SMARCAD1: variants seen among roughly 807,000 people sequenced by gnomAD.
SMARCAD1 encodes SWI/SNF-related matrix-associated actin-dependent regulator of chromatin subfamily A containing DEAD/H box 1.
Under a neutral mutation model 127.1 loss-of-function variants are expected in SMARCAD1, and 25 were observed. The observed-to-expected ratio is 0.20, with a 90% confidence interval of 0.14 to 0.27. The LOEUF (loss-of-function observed/expected upper bound fraction) is 0.27, where lower values mean the gene tolerates loss of function less well. Ranked by LOEUF, SMARCAD1 falls within the 10% of genes least tolerant of loss-of-function variation. The pLI, the probability that SMARCAD1 is intolerant of heterozygous loss-of-function variation, is 1.00. For synonymous variants in SMARCAD1, 400 were observed against 396.9 expected (o/e 1.01, Z -0.09); for missense variants, 807 against 1,206.0 (o/e 0.67, Z 4.90).
At chr4:94,235,706 A>C (rs115781852) in intron 4 of SMARCAD1, among the ~76,000 whole-genome samples, 5,589 of 149,678 alleles carry the variant, frequency 0.037, 137 homozygotes, top group Non-Finnish European at 0.05. Context: ...TTAAAGCAGT[A>C]ATAAGGAAAG....
chr4:94,260,689 A>G (rs570614761), intron 9 of SMARCAD1, among the ~76,000 whole-genome samples: 23 of 152,302 alleles, frequency 1.5e-4, no homozygotes, highest in African/African-American at 5.1e-4. Flanking sequence ...AGTATCTATA[A>G]AAGAACTTCT....
At chr4:94,257,104 T>G (rs560931669) in intron 9 of SMARCAD1, among the ~76,000 whole-genome samples, 1 of 152,222 alleles carries the variant, frequency 6.6e-6, no homozygotes, top group East Asian at 1.9e-4. Context: ...AGTAGTCACT[T>G]GAGTTTTTAA....
rs114100389 is a variant in SMARCAD1, at chr4:94,271,425, A to G, written c.1572+607A>G. Among the ~76,000 whole-genome samples, 697 of 152,280 alleles carry G rather than the reference A, an allele frequency of 4.6e-3. 4 individuals are homozygous for G. The highest frequency in any genetic ancestry group is 0.016 in the African/African-American group (645 of 41,544). On this transcript the variant is annotated intron_variant, in intron 11 of 23. Coordinates refer to ENST00000354268, the MANE Select transcript of SMARCAD1 (RefSeq NM_020159.5). ...CATATGGAAACTTGACCTTTAATCT[A>G]ACATCTCTATTCCTCCAGCTATACT... is the stretch of plus-strand genomic sequence containing the variant.
rs775630589 is a variant in SMARCAD1 at position 94,232,429 on chromosome 4, A to G, written c.369-1525A>G. ...ATGCTTTCATTTTCTCAGTCACCTAAGAGGCAAGGTCAAGTAGGGAGCAGG... is the reference window on the plus strand; with the variant it reads ...ATGCTTTCATTTTCTCAGTCACCTAGGAGGCAAGGTCAAGTAGGGAGCAGG... On this transcript the variant is annotated intron_variant, in intron 3 of 23. Coordinates refer to ENST00000354268, the MANE Select transcript of SMARCAD1 (RefSeq NM_020159.5). 2.7e-4 allele frequency among the ~76,000 whole-genome samples: 41 copies of G among 152,218 alleles called. 1 individual carries two copies. The highest frequency in any genetic ancestry group is 5.3e-4 in the Non-Finnish European group (36 of 68,036).
At position 94,280,627 on chromosome 4, in the gene SMARCAD1, C is replaced by A. The variant is rs1288483814; in HGVS notation, c.2454C>A (p.Ile818=). The change falls in exon 20 of 24, where the codon ATC becomes ATA. Residue 818 remains isoleucine (I), a synonymous_variant. Transcript: ENST00000354268. ...PTHCEANPDL[I]FEDMEVMTDF... ...ATTGTGAGGCTAACCCTGACCTGAT[C>A]TTTGAAGATATGGAAGTTATGACAG... The A allele has an allele frequency of 6.2e-7, 1 of 1,613,656 alleles. No homozygotes were observed. The highest frequency in any genetic ancestry group is 8.5e-7 in the Non-Finnish European group (1 of 1,179,854).
intron 8 of SMARCAD1, among the ~76,000 whole-genome samples, chr4:94,251,426 G>A (rs1749254702): frequency 6.6e-6 from 1 of 152,074 alleles, no homozygotes; most frequent in Admixed American, 6.5e-5. Flanking sequence ...GTTTTGGTTT[G>A]GGTTTTTTTG....
At position 94,290,374 on chromosome 4, in the gene SMARCAD1, T is replaced by G. The variant is rs1401729319; in HGVS notation, c.*840T>G. On this transcript the variant is annotated 3_prime_UTR_variant, in exon 24 of 24. Transcript: ENST00000354268. ...ATTCTCTTCCTCTCTAAATAGTAGT[T>G]TATTACTGCCACATCTCCATGCATC... 4 of 454,412 alleles carry G rather than the reference T, an allele frequency of 8.8e-6. No homozygotes were observed. Among genetic ancestry groups the G allele is most frequent in the Admixed American group, 2.4e-5 (1 of 42,546 alleles). 28.1% of individuals were successfully genotyped at this position (454,412 alleles called of 1,614,324 possible). A position where few individuals can be genotyped will look rare whatever the true frequency, so the allele number is the denominator to read the frequency against.
chr4:94,257,871 TCTCA>T (rs1750354572), intron 9 of SMARCAD1, among the ~76,000 whole-genome samples: 2 of 152,262 alleles, frequency 1.3e-5, no homozygotes, highest in South Asian at 4.1e-4. Flanking sequence ...AGGATTTAGT[TCTCA>T]CTGTCTACCT....
At chr4:94,268,378 A>G (rs936892394) in intron 10 of SMARCAD1, among the ~76,000 whole-genome samples, 7 of 152,112 alleles carry the variant, frequency 4.6e-5, no homozygotes, top group Admixed American at 3.9e-4. Context: ...TTTATTAAGA[A>G]TATTTCGTGG....
rs748223883 is a variant in SMARCAD1 at position 94,280,669 on chromosome 4, A to G, written c.2496A>G (p.Val832=). 13 of 1,613,704 alleles carry G rather than the reference A, an allele frequency of 8.1e-6. No individual in the cohort carries two copies. The African/African-American group carries it at 1.6e-4, about 20-fold the overall frequency. Residue 832 remains valine (V), a synonymous_variant, in exon 20 of 24, where the codon GTA becomes GTG. Transcript: ENST00000354268. ...MEVMTDFELH[V]LCKQYRHINN... is the part of the protein sequence containing the mutation. Reference sequence around the variant, plus strand: ...TTATGACAGACTTCGAACTACATGTACTTTGTAAACAGTACCGACACATTA... The same window carrying G: ...TTATGACAGACTTCGAACTACATGTGCTTTGTAAACAGTACCGACACATTA...
At position 94,252,987 on chromosome 4, in the gene SMARCAD1, T is replaced by C. The variant is rs1179157918; in HGVS notation, c.1261T>C (p.Phe421Leu). ...TCAGAAGATAACAGAACTCCGGCCC[T>C]TTAATAGTTGGGAGGCTCTGGTAAG... ...KAQKITELRP[F>L]NSWEALFTKM... Residue 421 changes from phenylalanine (F) to leucine (L), a missense_variant, in exon 9 of 24, where the codon TTT (phenylalanine) becomes CTT (leucine). By Grantham distance (22) the Phe-to-Leu change is conservative. Transcript: ENST00000354268. 6.2e-7 allele frequency: 1 copy of C among 1,613,134 alleles called. No individual in the cohort carries two copies. The highest frequency in any genetic ancestry group is 8.5e-7 in the Non-Finnish European group (1 of 1,180,020).
chr4:94,283,384 T>A, intron 22 of SMARCAD1, 81 bp downstream of exon 22: 1 of 1,428,698 alleles, frequency 7.0e-7, no homozygotes, highest in Non-Finnish European at 9.7e-7. Context: ...GTGTTGGATG[T>A]CCTGCCTTAG....
chr4:94,246,398 C>T (rs938571889), intron 6 of SMARCAD1, among the ~76,000 whole-genome samples: 3 of 152,124 alleles, frequency 2.0e-5, no homozygotes. Context: ...GGATTACAAG[C>T]GTGAGCCAGC....
chr4:94,231,177 T>G (rs745719477), intron 3 of SMARCAD1, among the ~76,000 whole-genome samples: 4 of 152,188 alleles, frequency 2.6e-5, no homozygotes, highest in Non-Finnish European at 5.9e-5. Flanking sequence ...TTGTTTGTTT[T>G]TTTTCTTGCT....
At chr4:94,263,723 T>C (rs1454260583) in intron 9 of SMARCAD1, among the ~76,000 whole-genome samples, 1 of 151,908 alleles carries the variant, frequency 6.6e-6, no homozygotes, top group African/African-American at 2.4e-5. Flanking sequence ...CTTGGAAAAA[T>C]ATGCTAAATA....
At chr4:94,245,791 A>G (rs1748320061) in intron 6 of SMARCAD1, among the ~76,000 whole-genome samples, 1 of 152,208 alleles carries the variant, frequency 6.6e-6, no homozygotes, top group Non-Finnish European at 1.5e-5. Flanking sequence ...AGTTTTTGAC[A>G]TTGTATCTCT....
chr4:94,210,950 A>AAAAAAAAT (rs397772412), intron 2 of SMARCAD1, among the ~76,000 whole-genome samples: 1 of 147,702 alleles, frequency 6.8e-6, no homozygotes, highest in African/African-American at 2.5e-5. Context: ...AAAAAAAAAA[A>AAAAAAAAT]GGTAAATGTC....
chr4:94,271,730 G>A (rs964021233), intron 11 of SMARCAD1, among the ~76,000 whole-genome samples: 2 of 152,166 alleles, frequency 1.3e-5, no homozygotes, highest in Non-Finnish European at 2.9e-5. Context: ...TTGTGTGACT[G>A]CACTTGGAAA....
intron 5 of SMARCAD1, among the ~76,000 whole-genome samples, chr4:94,237,723 A>G (rs1213136884): frequency 1.3e-5 from 2 of 152,124 alleles, no homozygotes; most frequent in Admixed American, 1.3e-4. Context: ...ATAATTTGTC[A>G]TGGATAGCTT....
Sources: allele counts gnomAD v4.1 joint callset (sites outside exome capture counted in the v4.1 genomes callset), GRCh38; gene constraint gnomAD v4.1.1; transcripts MANE v1.5; gene names NCBI Gene and HGNC (gene_info 2026-07-23, HGNC 2026-07-21).